The following TFDP1 variants were observed in gnomAD, a reference collection of about 807,000 sequenced individuals.
The protein encoded by TFDP1 is transcription factor Dp-1.
A neutral mutation model predicts 48.0 loss-of-function variants in TFDP1; 6 were observed. That is an observed-to-expected ratio of 0.13 (90% CI 0.07 to 0.25). The LOEUF is 0.25. Among genes scored for constraint, TFDP1 ranks in the 10% least tolerant of loss-of-function variants. TFDP1 has a pLI of 1.00. For missense variants in TFDP1, 335 were observed against 543.0 expected (o/e 0.62, Z 3.81); for synonymous variants, 201 against 211.6 (o/e 0.95, Z 0.44).
intron 2 of TFDP1, among the ~76,000 whole-genome samples, chr13:113,604,155 T>C (rs1012219400): frequency 2.4e-5 from 3 of 125,604 alleles, no homozygotes; most frequent in African/African-American, 1.1e-4. Context: ...AGTAACAGCC[T>C]GTCTCAAAAA....
chr13:113,584,952 C>T (rs1375455958), intron 1 of TFDP1, 64 bp downstream of exon 1: 2 of 146,392 alleles, frequency 1.4e-5, no homozygotes, highest in African/African-American at 2.5e-5. Context: ...GGCGGGACCC[C>T]CGGCCACCCC....
intron 3 of TFDP1, among the ~76,000 whole-genome samples, chr13:113,614,548 G>C (rs531798616): frequency 2.0e-5 from 3 of 152,324 alleles, no homozygotes; most frequent in African/African-American, 7.2e-5. Flanking sequence ...AAGGACAGGA[G>C]CTGTCCAGGT....
At chr13:113,638,025 A>G (rs2049540034) in intron 11 of TFDP1, 129 bp downstream of exon 11, 1 of 1,274,162 alleles carries the variant, frequency 7.8e-7, no homozygotes, top group Non-Finnish European at 1.1e-6. Flanking sequence ...TTGTCTGTCC[A>G]GGCAGTGGGG....
intron 3 of TFDP1, among the ~76,000 whole-genome samples, chr13:113,619,390 G>A (rs1257007371): frequency 6.6e-6 from 1 of 150,530 alleles, no homozygotes; most frequent in African/African-American, 2.4e-5. Context: ...GGAATCGCTG[G>A]AACGCGGGAG....
chr13:113,603,179 C>G (rs1367442906), intron 2 of TFDP1, among the ~76,000 whole-genome samples: 1 of 152,190 alleles, frequency 6.6e-6, no homozygotes, highest in Admixed American at 6.5e-5. Context: ...AGCGTGGGGT[C>G]CAGGTGTATG....
chr13:113,594,274 A>C (rs1480539347), intron 2 of TFDP1, among the ~76,000 whole-genome samples: 2 of 144,678 alleles, frequency 1.4e-5, no homozygotes, highest in East Asian at 4.2e-4. Flanking sequence ...GTGGGTCCTC[A>C]GCCCTGTCCA....
At position 113,633,882 on chromosome 13, in the gene TFDP1, AT is replaced by A; in HGVS notation, c.475-7del. On this transcript the variant is annotated splice_region_variant and splice_polypyrimidine_tract_variant and intron_variant, in intron 6 of 11. Coordinates refer to ENST00000375370, the MANE Select transcript of TFDP1 (RefSeq NM_007111.5). The surrounding 1 kb of genome is among the most constrained non-coding windows in gnomAD (Gnocchi z 4.5). Reference sequence around the variant, plus strand: ...TCATTTGGAAACTCCACTCCCTGTCATCCCCAGGCTTATGACCAGAAAAACA... The same window carrying A: ...TCATTTGGAAACTCCACTCCCTGTCACCCCAGGCTTATGACCAGAAAAACA... 6.2e-7 allele frequency: 1 copy of A among 1,605,162 alleles called. No individual in the cohort carries two copies. Among genetic ancestry groups the A allele is most frequent in the Non-Finnish European group, 8.5e-7 (1 of 1,174,566 alleles).
At chr13:113,630,155 G>GCGCA (rs148374173) in intron 4 of TFDP1, among the ~76,000 whole-genome samples, 5 of 149,216 alleles carry the variant, frequency 3.4e-5, no homozygotes, top group African/African-American at 9.8e-5. Flanking sequence ...TGCCCCAGCA[G>GCGCA]CACACACACA....
Position 113,607,673 on chromosome 13 carries a change from G to C in TFDP1, c.13-3323G>C, listed in dbSNP as rs1185450396. 6.6e-6 allele frequency among the ~76,000 whole-genome samples: 1 copy of C among 152,200 alleles called. No individual in the cohort carries two copies. Among genetic ancestry groups the C allele is most frequent in the Non-Finnish European group, 1.5e-5 (1 of 68,036 alleles). On this transcript the variant is annotated intron_variant, in intron 2 of 11. Transcript: ENST00000375370. This position sits in a 1 kb window ranked among gnomAD's most constrained non-coding sequence, Gnocchi z 5.2. Reference sequence around the variant, plus strand: ...TTAGACTTCCTGGAAGGGCCGCCCGGGTCCACAACCTGGCCCGTTAACTCC... The same window carrying C: ...TTAGACTTCCTGGAAGGGCCGCCCGCGTCCACAACCTGGCCCGTTAACTCC...
rs538104314 is a variant in TFDP1, at chr13:113,608,443, A to G, written c.13-2553A>G. On this transcript the variant is annotated intron_variant, in intron 2 of 11. Coordinates refer to ENST00000375370, the MANE Select transcript of TFDP1 (RefSeq NM_007111.5). ...GCCCTGGCTGTGCAGGCGGGAGGGC[A>G]GTCATCCTCCACAGCTGGGACTTGC... Among the ~76,000 whole-genome samples, 6 of 152,300 alleles carry G rather than the reference A, an allele frequency of 3.9e-5. No individual in the cohort carries two copies. The South Asian group carries it at 6.2e-4, about 16-fold the overall frequency.
chr13:113,608,271 C>T (rs1008652339), intron 2 of TFDP1, among the ~76,000 whole-genome samples: 1 of 152,216 alleles, frequency 6.6e-6, no homozygotes, highest in Non-Finnish European at 1.5e-5. Flanking sequence ...AGTCCCTGGC[C>T]CTGTACTTTT....
intron 2 of TFDP1, among the ~76,000 whole-genome samples, chr13:113,606,248 C>T (rs1284363814): frequency 6.6e-6 from 1 of 152,064 alleles, no homozygotes; most frequent in African/African-American, 2.4e-5. Flanking sequence ...TGGTGAGTGT[C>T]CGCAGGGGAG....
At chr13:113,639,975 A>T in intron 11 of TFDP1, 145 bp from the exon 12 acceptor site, 2 of 623,366 alleles carry the variant, frequency 3.2e-6, no homozygotes, top group Non-Finnish European at 5.6e-6. Flanking sequence ...TGTAGTGCAG[A>T]CACTCAGCCT....
chr13:113,613,802 A>G (rs2048778318), intron 3 of TFDP1, among the ~76,000 whole-genome samples: 1 of 148,068 alleles, frequency 6.8e-6, no homozygotes, highest in African/African-American at 2.5e-5. Context: ...GTGCGTGTGG[A>G]GTGTCTGTGC....
chr13:113,604,409 T>C (rs1202510320), intron 2 of TFDP1, among the ~76,000 whole-genome samples: 2 of 152,166 alleles, frequency 1.3e-5, no homozygotes, highest in Non-Finnish European at 2.9e-5. Context: ...AGTTCTAAAG[T>C]GTCAGTAGAG....
intron 2 of TFDP1, among the ~76,000 whole-genome samples, chr13:113,592,922 G>A (rs1788556026): frequency 6.6e-6 from 1 of 151,962 alleles, no homozygotes; most frequent in South Asian, 2.1e-4. Flanking sequence ...GCTGTGTGCT[G>A]GTCCTCAGCC....
chr13:113,617,374 A>C (rs1177828718), intron 3 of TFDP1, among the ~76,000 whole-genome samples: 1 of 152,332 alleles, frequency 6.6e-6, no homozygotes, highest in East Asian at 1.9e-4. Flanking sequence ...TGTTGTGGCC[A>C]GTCAAGTGTG....
chr13:113,608,909 G>A (rs2048636630), intron 2 of TFDP1, among the ~76,000 whole-genome samples: 1 of 152,164 alleles, frequency 6.6e-6, no homozygotes, highest in Non-Finnish European at 1.5e-5. Context: ...TCTCTCCCAG[G>A]CTTAACGTCT....
chr13:113,589,925 C>T (rs1420462921), intron 2 of TFDP1, among the ~76,000 whole-genome samples: 1 of 152,216 alleles, frequency 6.6e-6, no homozygotes, highest in Non-Finnish European at 1.5e-5. Context: ...AACATCCTGT[C>T]GTCACACACG....
Sources: allele counts gnomAD v4.1 joint callset (sites outside exome capture counted in the v4.1 genomes callset), GRCh38; gene constraint gnomAD v4.1.1; non-coding constraint Gnocchi (gnomAD v3.1); transcripts MANE v1.5; gene names NCBI Gene and HGNC (gene_info 2026-07-23, HGNC 2026-07-21).